The following CIMAP1D variants were observed in gnomAD, a reference collection of about 807,000 sequenced individuals.
The protein encoded by CIMAP1D is protein CIMAP1D.
the CIMAP1D span, among the ~76,000 whole-genome samples, chr19:466,430 T>C: frequency 1.4e-5 from 2 of 139,326 alleles, no homozygotes; most frequent in South Asian, 2.4e-4. Flanking sequence ...GGTGGATGGA[T>C]GGGTGGATAG....
chr19:482,838 C>T, the CIMAP1D span, among the ~76,000 whole-genome samples: 3 of 152,142 alleles, frequency 2.0e-5, no homozygotes, highest in East Asian at 3.9e-4. Context: ...CGCCATCATA[C>T]GAGCACCCCA....
the CIMAP1D span, chr19:464,363 A>T: frequency 1.2e-5 from 18 of 1,531,464 alleles, no homozygotes; most frequent in South Asian, 1.9e-4. Context: ...TCACCTCCGG[A>T]CCTGAGAGAG....
At chr19:463,864 G>A in the CIMAP1D span, 1 of 1,609,668 alleles carries the variant, frequency 6.2e-7, no homozygotes, top group African/African-American at 1.3e-5. Flanking sequence ...CGGCCGGGCA[G>A]CCTGTGCCCC....
the CIMAP1D span, among the ~76,000 whole-genome samples, chr19:482,768 C>G: frequency 6.6e-6 from 1 of 152,150 alleles, no homozygotes; most frequent in African/African-American, 2.4e-5. Context: ...CCAGAATGTT[C>G]TTGGCCCTGC....
At chr19:477,251 G>C in the CIMAP1D span, among the ~76,000 whole-genome samples, 3 of 152,284 alleles carry the variant, frequency 2.0e-5, no homozygotes, top group African/African-American at 7.2e-5. Context: ...AAAGATAACA[G>C]TAGAAATCCA....
At chr19:476,769 G>C in the CIMAP1D span, among the ~76,000 whole-genome samples, 1 of 152,140 alleles carries the variant, frequency 6.6e-6, no homozygotes, top group Non-Finnish European at 1.5e-5. Flanking sequence ...ACATACTTCT[G>C]AATAACCCAC....
At chr19:471,806 C>G in the CIMAP1D span, among the ~76,000 whole-genome samples, 24 of 151,738 alleles carry the variant, frequency 1.6e-4, no homozygotes, top group African/African-American at 4.1e-4. Flanking sequence ...GCAGTGGCGC[C>G]ATCTCGGCTC....
the CIMAP1D span, among the ~76,000 whole-genome samples, chr19:486,006 C>T: frequency 2.6e-5 from 4 of 152,224 alleles, no homozygotes; most frequent in Non-Finnish European, 4.4e-5. Context: ...ACAAGGAAGG[C>T]TTGTTCTTCC....
the CIMAP1D span, among the ~76,000 whole-genome samples, chr19:485,264 AG>A: frequency 6.6e-6 from 1 of 152,202 alleles, no homozygotes. Flanking sequence ...AGGCACACAC[AG>A]GCAGGCGCGC....
the CIMAP1D span, among the ~76,000 whole-genome samples, chr19:465,130 A>AGGGG: frequency 1.6e-5 from 1 of 63,426 alleles, no homozygotes; most frequent in Non-Finnish European, 2.8e-5. Flanking sequence ...TGGGTTGATG[A>AGGGG]GTGGATGGAT....
the CIMAP1D span, among the ~76,000 whole-genome samples, chr19:488,805 C>T: frequency 6.6e-6 from 1 of 152,222 alleles, no homozygotes; most frequent in Admixed American, 6.5e-5. Context: ...GGGCGAACGG[C>T]CAGGCCTCCC....
chr19:469,735 A>G, the CIMAP1D span, among the ~76,000 whole-genome samples: 1 of 152,086 alleles, frequency 6.6e-6, no homozygotes, highest in Non-Finnish European at 1.5e-5. Flanking sequence ...TCATAATCCC[A>G]TCGCCCCTCC....
At chr19:481,069 G>T in the CIMAP1D span, among the ~76,000 whole-genome samples, 2 of 142,898 alleles carry the variant, frequency 1.4e-5, no homozygotes, top group Admixed American at 1.4e-4. Flanking sequence ...TGGAAAGGAT[G>T]ATGGGAAGGA....
chr19:474,532 G>C, the CIMAP1D span: 2 of 1,276,144 alleles, frequency 1.6e-6, no homozygotes, highest in East Asian at 5.9e-5. Context: ...CCTGCCTCCT[G>C]CTGGGCTCCC....
the CIMAP1D span, among the ~76,000 whole-genome samples, chr19:490,705 C>G: frequency 6.6e-6 from 1 of 152,238 alleles, no homozygotes; most frequent in Non-Finnish European, 1.5e-5. Context: ...TGGCTGACAC[C>G]TGTAATCCAG....
chr19:469,328 C>T, the CIMAP1D span, among the ~76,000 whole-genome samples: 29,688 of 151,354 alleles, frequency 0.2, 5,459 homozygotes, highest in African/African-American at 0.47. Context: ...AGCAATCCTC[C>T]CACCTCAGCC....
the CIMAP1D span, among the ~76,000 whole-genome samples, chr19:476,547 T>C: frequency 0.28 from 42,855 of 152,112 alleles, 12,068 homozygotes; most frequent in African/African-American, 0.72. Flanking sequence ...CAATTATACA[T>C]TTCACCCTGC....
chr19:484,579 C>T, the CIMAP1D span, among the ~76,000 whole-genome samples: 3 of 152,322 alleles, frequency 2.0e-5, no homozygotes, highest in Middle Eastern at 3.4e-3. Context: ...AGAGGTGAAA[C>T]GTTAGCAAAG....
chr19:469,620 G>C, the CIMAP1D span, among the ~76,000 whole-genome samples: 1 of 152,124 alleles, frequency 6.6e-6, no homozygotes, highest in Non-Finnish European at 1.5e-5. Flanking sequence ...AACCCCGGGA[G>C]GCAGAGGTTG....
Sources: allele counts gnomAD v4.1 joint callset (sites outside exome capture counted in the v4.1 genomes callset), GRCh38; gene constraint gnomAD v4.1.1; transcripts MANE v1.5; gene names NCBI Gene and HGNC (gene_info 2026-07-23, HGNC 2026-07-21).